Variants in AKAP6 observed in about 807,000 individuals in gnomAD.
The protein encoded by AKAP6 is A-kinase anchoring protein 6, also known as A-kinase anchor protein 6.
Under a neutral mutation model 188.5 loss-of-function variants are expected in AKAP6, and 58 were observed. That is an observed-to-expected ratio of 0.31 (90% CI 0.25 to 0.38). The LOEUF (loss-of-function observed/expected upper bound fraction) is 0.38, where lower values mean the gene tolerates loss of function less well. Among genes scored for constraint, AKAP6 ranks in the 10% least tolerant of loss-of-function variants. AKAP6 has a pLI of 1.00. For synonymous variants in AKAP6, 989 were observed against 998.6 expected (o/e 0.99, Z 0.18); for missense variants, 2,710 against 2,740.0 (o/e 0.99, Z 0.24).
At position 32,445,527 on chromosome 14, in the gene AKAP6, C is replaced by T. The variant is rs919095869; in HGVS notation, c.324+11710C>T. On this transcript the variant is annotated intron_variant, in intron 2 of 13. Coordinates refer to ENST00000280979, the MANE Select transcript of AKAP6 (RefSeq NM_004274.5). Reference sequence around the variant, plus strand: ...AGCTGGGACTACAGGCATGTGACACCATGCCCAGCTAATTTTTTTTTGTAT... The same window carrying T: ...AGCTGGGACTACAGGCATGTGACACTATGCCCAGCTAATTTTTTTTTGTAT... Among the ~76,000 whole-genome samples the T allele has an allele frequency of 2.6e-5, 4 of 152,080 alleles. No individual in the cohort carries two copies. The East Asian group carries it at 5.8e-4, about 22-fold the overall frequency.
chr14:32,823,741 C>T lies in AKAP6; in HGVS notation c.5928C>T (p.Ala1976=). 6.2e-7 allele frequency: 1 copy of T among 1,613,660 alleles called. No individual in the cohort carries two copies. The highest frequency in any genetic ancestry group is 2.2e-5 in the East Asian group (1 of 44,868). ...ACCATTTTGAAAATCAAAGCACTGC[C>T]TCTACTCCCACTGAGAAGTCTTTCT... ...NHHHFENQST[A]STPTEKSFSE... The change falls in exon 13 of 14, where the codon GCC becomes GCT. Residue 1976 remains alanine, a synonymous_variant. Coordinates refer to ENST00000280979, the MANE Select transcript of AKAP6 (RefSeq NM_004274.5).
chr14:32,453,575 CTTTTTTTTTTTTTTTTTTTTTTTT>C (rs71115071), intron 2 of AKAP6, among the ~76,000 whole-genome samples: 2 of 95,354 alleles, frequency 2.1e-5, no homozygotes, highest in East Asian at 3.5e-4. Flanking sequence ...TTTTTCTTTT[CTTTTTTTTTTTTTTTTTTTTTTTT>C]TTTTTTTTTT....
At chr14:32,462,412 T>A (rs1412630670) in intron 2 of AKAP6, among the ~76,000 whole-genome samples, 1 of 151,752 alleles carries the variant, frequency 6.6e-6, no homozygotes, top group African/African-American at 2.4e-5. Context: ...CAGAAGAGAG[T>A]GGGGGCCAAT....
At chr14:32,592,062 G>A (rs771555067) in intron 5 of AKAP6, among the ~76,000 whole-genome samples, 4 of 152,112 alleles carry the variant, frequency 2.6e-5, no homozygotes, top group Non-Finnish European at 5.9e-5. Flanking sequence ...AAAATTTGGG[G>A]ACATTTATCA....
At chr14:32,493,790 G>T (rs1351506867) in intron 2 of AKAP6, among the ~76,000 whole-genome samples, 1 of 152,084 alleles carries the variant, frequency 6.6e-6, no homozygotes, top group Non-Finnish European at 1.5e-5. Flanking sequence ...TTTGTTAAGG[G>T]CCCAGTGCTG....
intron 9 of AKAP6, among the ~76,000 whole-genome samples, chr14:32,709,864 T>C (rs1890967815): frequency 6.6e-6 from 1 of 152,054 alleles, no homozygotes; most frequent in Non-Finnish European, 1.5e-5. Flanking sequence ...GAAAATTTTT[T>C]GGTGCTCAAA....
chr14:32,800,141 C>CATATAT (rs2033900070), intron 12 of AKAP6, among the ~76,000 whole-genome samples: 2 of 121,176 alleles, frequency 1.7e-5, no homozygotes, highest in African/African-American at 6.0e-5. Context: ...CATATATATA[C>CATATAT]ACACATATAT....
Position 32,415,110 on chromosome 14 carries a change from G to C in AKAP6, c.-34-18350G>C, listed in dbSNP as rs1420302758. Among the ~76,000 whole-genome samples, 4 of 152,098 alleles carry C rather than the reference G, an allele frequency of 2.6e-5. No homozygotes were observed. In the South Asian group the frequency reaches 8.3e-4, roughly 32 times the overall value. On this transcript the variant is annotated intron_variant, in intron 1 of 13. Transcript: ENST00000280979. ...AAAGAAGTAGAAGACAAGAAGAGTG[G>C]GCTAAATCAGCACGATTTACAAATT...
chr14:32,590,470 A>G (rs1885443823), intron 5 of AKAP6, among the ~76,000 whole-genome samples: 1 of 152,152 alleles, frequency 6.6e-6, no homozygotes, highest in African/African-American at 2.4e-5. Context: ...ACAAAACTAA[A>G]CAAACAAACA....
chr14:32,352,272 A>G (rs202100728), intron 1 of AKAP6, among the ~76,000 whole-genome samples: 1 of 139,164 alleles, frequency 7.2e-6, no homozygotes, highest in Non-Finnish European at 1.6e-5. Context: ...TTTTGGTTTT[A>G]TTTTATTTTT....
At chr14:32,508,077 A>G (rs1461297271) in intron 2 of AKAP6, among the ~76,000 whole-genome samples, 1 of 152,206 alleles carries the variant, frequency 6.6e-6, no homozygotes, top group Non-Finnish European at 1.5e-5. Flanking sequence ...TTCAGACTAA[A>G]AAAATCTCTA....
At chr14:32,544,729 T>G (rs1883112655) in intron 3 of AKAP6, among the ~76,000 whole-genome samples, 1 of 152,320 alleles carries the variant, frequency 6.6e-6, no homozygotes, top group African/African-American at 2.4e-5. Context: ...CAATATATGT[T>G]TAACACAACT....
At chr14:32,544,279 A>T (rs185651039) in intron 3 of AKAP6, among the ~76,000 whole-genome samples, 68 of 152,328 alleles carry the variant, frequency 4.5e-4, no homozygotes, top group Non-Finnish European at 7.6e-4. Flanking sequence ...TCAGTCTGTT[A>T]TTTAGCCAGT....
chr14:32,343,743 T>A (rs1334067688), intron 1 of AKAP6, among the ~76,000 whole-genome samples: 2 of 57,892 alleles, frequency 3.5e-5, no homozygotes, highest in African/African-American at 9.3e-5. Flanking sequence ...CAAGATTCCG[T>A]CTCAAAAAAA....
intron 8 of AKAP6, among the ~76,000 whole-genome samples, chr14:32,691,981 A>G (rs956956359): frequency 6.6e-6 from 1 of 152,186 alleles, no homozygotes; most frequent in Non-Finnish European, 1.5e-5. Context: ...TTAAGAAAAA[A>G]GTTTTTGTCT....
intron 1 of AKAP6, among the ~76,000 whole-genome samples, chr14:32,386,710 G>A (rs976168989): frequency 2.0e-5 from 3 of 152,154 alleles, no homozygotes; most frequent in Admixed American, 1.3e-4. Flanking sequence ...TTTTTCTAAT[G>A]TTATCTTCTA....
intron 2 of AKAP6, among the ~76,000 whole-genome samples, chr14:32,436,894 A>G (rs191053828): frequency 6.6e-6 from 1 of 152,266 alleles, no homozygotes; most frequent in African/African-American, 2.4e-5. Context: ...CCACTGCACT[A>G]CATCCTGGGT....
At chr14:32,548,579 T>C (rs1006602890) in intron 4 of AKAP6, among the ~76,000 whole-genome samples, 4 of 148,152 alleles carry the variant, frequency 2.7e-5, no homozygotes, top group Non-Finnish European at 4.5e-5. Context: ...GATAGATAGA[T>C]AGATAGATAT....
chr14:32,349,062 A>G (rs1368579450), intron 1 of AKAP6, among the ~76,000 whole-genome samples: 1 of 152,150 alleles, frequency 6.6e-6, no homozygotes, highest in African/African-American at 2.4e-5. Flanking sequence ...CATAAAAGAG[A>G]TTCTCTAGTA....
Sources: allele counts gnomAD v4.1 joint callset (sites outside exome capture counted in the v4.1 genomes callset), GRCh38; gene constraint gnomAD v4.1.1; transcripts MANE v1.5; gene names NCBI Gene and HGNC (gene_info 2026-07-23, HGNC 2026-07-21).